Variants in ARMC9 observed in about 807,000 individuals in gnomAD.
ARMC9 encodes armadillo repeat containing 9, also known as lisH domain-containing protein ARMC9.
Under a neutral mutation model 107.0 loss-of-function variants are expected in ARMC9, and 94 were observed. The ratio of observed to expected loss-of-function variants is 0.88; its 90% CI spans 0.74 to 1.04. The LOEUF (loss-of-function observed/expected upper bound fraction) is 1.04. Ranked by LOEUF, ARMC9 falls within the 50% of genes least tolerant of loss-of-function variation. ARMC9 has a pLI of 0.00. For missense variants in ARMC9, 942 were observed against 1,030.1 expected (o/e 0.91, Z 1.17); for synonymous variants, 380 against 396.9 (o/e 0.96, Z 0.51).
chr2:231,204,176 GAAA>G lies in ARMC9; in HGVS notation c.-41-2003_-41-2001del, dbSNP rs5839392. ...GCAACAGAGGGAAACTCTGTCTCAG[GAAA>G]AAAAAAAAAAAAAAAAAAGGACATC... On this transcript the variant is annotated intron_variant, in intron 1 of 24. Coordinates refer to ENST00000611582, the MANE Select transcript of ARMC9 (RefSeq NM_001352754.2). 6.5e-3 allele frequency among the ~76,000 whole-genome samples: 638 copies of G among 98,266 alleles called. 8 individuals are homozygous for G. Among genetic ancestry groups the G allele is most frequent in the African/African-American group, 0.02 (545 of 26,884 alleles). The allele number at this position is 98,266 out of a possible 152,430, so 64.5% of individuals were successfully genotyped here. A position where few individuals can be genotyped will look rare whatever the true frequency, so the allele number is the denominator to read the frequency against.
rs3752780 is a variant in ARMC9, at chr2:231,235,266, G to A, written c.665G>A (p.Arg222His). ...QLHQQLVEAE[R>H]RSVTYLKRYN... The stretch of plus-strand genomic sequence containing the variant: ...CACCAGCAGCTGGTTGAAGCTGAAC[G>A]TAGGTCAGTGACATACCTCAAACGG... The change falls in exon 8 of 25, where the codon CGT becomes CAT. Residue 222 changes from arginine to histidine, a missense_variant. Transcript: ENST00000611582. The A allele has an allele frequency of 3.1e-3, 4,955 of 1,614,110 alleles. 142 individuals carry two copies. In the Admixed American group the frequency reaches 0.057, roughly 18 times the overall value.
chr2:231,239,872 T>C (rs1177646870), intron 8 of ARMC9, 71 bp from the exon 9 acceptor site: 1 of 1,308,468 alleles, frequency 7.6e-7, no homozygotes, highest in Non-Finnish European at 1.1e-6. Flanking sequence ...CTCTAACAAT[T>C]GCCAGCGTGC....
chr2:231,256,353 C>T, intron 9 of ARMC9: 5 of 1,457,318 alleles, frequency 3.4e-6, no homozygotes, highest in Non-Finnish European at 2.8e-6. Context: ...ACCACTTGGC[C>T]GATGGGAATG....
intron 9 of ARMC9, among the ~76,000 whole-genome samples, chr2:231,245,156 C>T (rs531869256): frequency 8.5e-5 from 13 of 152,282 alleles, no homozygotes; most frequent in South Asian, 4.2e-4. Flanking sequence ...AGTTTGACTC[C>T]GCGTATTGCT....
intron 9 of ARMC9, chr2:231,256,195 A>G (rs2037784492): frequency 1.3e-6 from 2 of 1,535,518 alleles, no homozygotes; most frequent in Non-Finnish European, 1.8e-6. Context: ...TGCGCGTGGA[A>G]TTCATGGACG....
chr2:231,238,650 G>T (rs1231445200), intron 8 of ARMC9, among the ~76,000 whole-genome samples: 1 of 152,210 alleles, frequency 6.6e-6, no homozygotes, highest in Non-Finnish European at 1.5e-5. Flanking sequence ...ACTATGCCAG[G>T]CCTGAAAAAT....
intron 21 of ARMC9, among the ~76,000 whole-genome samples, chr2:231,345,948 G>A (rs138874668): frequency 6.6e-6 from 1 of 152,292 alleles, no homozygotes; most frequent in African/African-American, 2.4e-5. Context: ...CTGCCCTCAT[G>A]GAGCTCTGTG....
intron 20 of ARMC9, among the ~76,000 whole-genome samples, chr2:231,333,877 G>A (rs1175000363): frequency 6.6e-6 from 1 of 152,218 alleles, no homozygotes; most frequent in Non-Finnish European, 1.5e-5. Flanking sequence ...ACCTCTCCCC[G>A]GCAAAATGCC....
intron 18 of ARMC9, chr2:231,294,932 A>G (rs969326177): frequency 7.9e-5 from 12 of 152,212 alleles, no homozygotes; most frequent in African/African-American, 2.9e-4. Context: ...GCAGGGGGAC[A>G]CTTTGGTGTC....
At position 231,360,749 on chromosome 2, in the gene ARMC9, C is replaced by T; in HGVS notation, c.2132-5C>T. On this transcript the variant is annotated splice_polypyrimidine_tract_variant and splice_region_variant and intron_variant, in intron 22 of 24. Coordinates refer to ENST00000611582, the MANE Select transcript of ARMC9 (RefSeq NM_001352754.2). The surrounding 1 kb of genome is among the most constrained non-coding windows in gnomAD (Gnocchi z 4.7). ...GTGGACTGAACTTTCTCTCCTCCTCCCCAGCAGCCATCATCGCCAAGCCAG... is the reference window on the plus strand; with the variant it reads ...GTGGACTGAACTTTCTCTCCTCCTCTCCAGCAGCCATCATCGCCAAGCCAG... The T allele has an allele frequency of 6.5e-7, 1 of 1,536,154 alleles. No individual in the cohort carries two copies. Among genetic ancestry groups the T allele is most frequent in the Non-Finnish European group, 8.7e-7 (1 of 1,146,916 alleles).
intron 19 of ARMC9, among the ~76,000 whole-genome samples, chr2:231,330,887 G>A (rs896702308): frequency 9.2e-5 from 14 of 152,244 alleles, no homozygotes; most frequent in African/African-American, 3.4e-4. Flanking sequence ...ACATTTCTGG[G>A]TTGTTGGTTT....
At position 231,348,983 on chromosome 2, in the gene ARMC9, G is replaced by A. The variant is rs193271911; in HGVS notation, c.1994+3893G>A. 2.8e-4 allele frequency among the ~76,000 whole-genome samples: 43 copies of A among 152,326 alleles called. 1 individual carries two copies. Among genetic ancestry groups the A allele is most frequent in the Non-Finnish European group, 3.8e-4 (26 of 68,042 alleles). ...AAGGGAACCCTCATACACTGTTGGT[G>A]AGAATGTAAATTAGTACAGCCACTA... On this transcript the variant is annotated intron_variant, in intron 21 of 24. Transcript: ENST00000611582.
chr2:231,359,302 G>T (rs1488097949), intron 22 of ARMC9, among the ~76,000 whole-genome samples: 1 of 151,882 alleles, frequency 6.6e-6, no homozygotes, highest in Admixed American at 6.6e-5. Context: ...GGCCAGGCTG[G>T]TCTCAAACTC....
chr2:231,245,642 T>G (rs532076911), intron 9 of ARMC9, among the ~76,000 whole-genome samples: 1 of 152,346 alleles, frequency 6.6e-6, no homozygotes, highest in African/African-American at 2.4e-5. Context: ...AGCCTTGAAG[T>G]ATATATCATT....
intron 19 of ARMC9, among the ~76,000 whole-genome samples, chr2:231,306,784 A>G (rs1448058124): frequency 6.6e-6 from 1 of 152,156 alleles, no homozygotes; most frequent in Non-Finnish European, 1.5e-5. Context: ...AGGCAAGGAG[A>G]CAATAAGAAA....
At chr2:231,359,350 G>T (rs934639205) in intron 22 of ARMC9, among the ~76,000 whole-genome samples, 1 of 151,980 alleles carries the variant, frequency 6.6e-6, no homozygotes, top group African/African-American at 2.4e-5. Flanking sequence ...GCCTCCCAAA[G>T]TGGTGGGATT....
intron 17 of ARMC9, among the ~76,000 whole-genome samples, chr2:231,287,441 A>T (rs991616923): frequency 2.6e-5 from 4 of 152,198 alleles, no homozygotes; most frequent in Admixed American, 1.3e-4. Flanking sequence ...GAACCTGGTT[A>T]TAAGGCATTC....
chr2:231,248,078 G>A (rs1252466292), intron 9 of ARMC9, among the ~76,000 whole-genome samples: 1 of 152,102 alleles, frequency 6.6e-6, no homozygotes, highest in Non-Finnish European at 1.5e-5. Context: ...TGTCCAAATC[G>A]GGCTCAACTT....
intron 21 of ARMC9, among the ~76,000 whole-genome samples, chr2:231,348,741 A>G (rs111580088): frequency 1.7e-4 from 26 of 152,360 alleles, no homozygotes; most frequent in African/African-American, 6.3e-4. Context: ...TATAGGAAAA[A>G]GTCTAATAGT....
Sources: allele counts gnomAD v4.1 joint callset (sites outside exome capture counted in the v4.1 genomes callset), GRCh38; gene constraint gnomAD v4.1.1; non-coding constraint Gnocchi (gnomAD v3.1); transcripts MANE v1.5; gene names NCBI Gene and HGNC (gene_info 2026-07-23, HGNC 2026-07-21).